Variants in FRMD5 observed in about 807,000 individuals in gnomAD.
The protein encoded by FRMD5 is FERM domain-containing protein 5.
Under a neutral mutation model 69.0 loss-of-function variants are expected in FRMD5, and 20 were observed. That is an observed-to-expected ratio of 0.29 (90% CI 0.20 to 0.42). FRMD5 has a LOEUF of 0.42. Ranked by LOEUF, FRMD5 falls within the 10% of genes least tolerant of loss-of-function variation. The pLI is 1.00. For missense variants in FRMD5, 595 were observed against 708.6 expected, an observed-to-expected ratio of 0.84 and a Z score of 1.82; for synonymous variants, 271 against 260.1, an observed-to-expected ratio of 1.04 and a Z score of -0.40.
At chr15:43,893,957 A>C (rs1035410990) in intron 7 of FRMD5, among the ~76,000 whole-genome samples, 2 of 152,216 alleles carry the variant, frequency 1.3e-5, no homozygotes, top group Non-Finnish European at 2.9e-5. Flanking sequence ...ATTTGCAATT[A>C]ATGTATTGTT....
chr15:43,919,462 G>C lies in FRMD5; in HGVS notation c.326C>G (p.Thr109Ser), dbSNP rs755105643. Residue 109 changes from threonine (T) to serine (S), a missense_variant, in exon 4 of 14, where the codon ACC (threonine) becomes AGC (serine). Physicochemically the swap from Thr to Ser is moderately conservative, Grantham distance 58. Transcript: ENST00000417257. ...GCGGGAAGCATGTTCACCTCACCTG[G>C]TTATTTCTTCTTTCAGAGCAGCAGG... is the stretch of plus-strand genomic sequence containing the variant. Reference protein sequence around the residue: ...ADPAALKEEITRYLVFLQIKR... With the variant: ...ADPAALKEEISRYLVFLQIKR... 17 of 1,613,818 alleles carry C rather than the reference G, an allele frequency of 1.1e-5. No individual in the cohort carries two copies. The highest frequency in any genetic ancestry group is 1.4e-5 in the Non-Finnish European group (17 of 1,179,796).
chr15:44,192,402 T>C (rs1343571377), intron 1 of FRMD5, among the ~76,000 whole-genome samples: 2 of 152,334 alleles, frequency 1.3e-5, no homozygotes, highest in East Asian at 3.9e-4. Flanking sequence ...ATAGATACTT[T>C]ATTTAAACAA....
At chr15:44,099,312 T>A (rs897118135) in intron 1 of FRMD5, among the ~76,000 whole-genome samples, 2 of 152,028 alleles carry the variant, frequency 1.3e-5, no homozygotes, top group Non-Finnish European at 2.9e-5. Flanking sequence ...AGGTCTAGAG[T>A]GGGGCCTGAG....
At chr15:44,149,107 G>A (rs915435826) in intron 1 of FRMD5, among the ~76,000 whole-genome samples, 1 of 152,092 alleles carries the variant, frequency 6.6e-6, no homozygotes, top group South Asian at 2.1e-4. Context: ...GTATAAGGAT[G>A]TAATTTTGTT....
intron 1 of FRMD5, among the ~76,000 whole-genome samples, chr15:43,951,704 C>T (rs911635849): frequency 2.2e-4 from 34 of 152,258 alleles, no homozygotes; most frequent in Middle Eastern, 3.4e-3. Flanking sequence ...GAGCCTTAAA[C>T]TGCTGTATTA....
chr15:43,873,490 A>G lies in FRMD5; in HGVS notation c.*395T>C, dbSNP rs2088220550. 11 of 1,420,980 alleles carry G rather than the reference A, an allele frequency of 7.7e-6. No homozygotes were observed. In the South Asian group the frequency reaches 1.7e-4, roughly 22 times the overall value. 88.0% of individuals were successfully genotyped at this position (1,420,980 alleles called of 1,614,324 possible). A position where few individuals can be genotyped will look rare whatever the true frequency, so the allele number is the denominator to read the frequency against. On this transcript the variant is annotated 3_prime_UTR_variant, in exon 14 of 14. Coordinates refer to ENST00000417257, the MANE Select transcript of FRMD5 (RefSeq NM_032892.5). ...GAGGACAGCAGCTCTCTAGTTTTCA[A>G]CTAGTGTCCCCTCTGCTAGGTGATA... is the stretch of plus-strand genomic sequence containing the variant.
At chr15:44,020,048 A>G (rs1045942301) in intron 1 of FRMD5, among the ~76,000 whole-genome samples, 3 of 152,160 alleles carry the variant, frequency 2.0e-5, no homozygotes, top group Admixed American at 6.5e-5. Flanking sequence ...AATTATCTAT[A>G]TACGAATCCT....
intron 7 of FRMD5, among the ~76,000 whole-genome samples, chr15:43,900,453 G>A (rs893084924): frequency 1.3e-5 from 2 of 152,188 alleles, no homozygotes; most frequent in Non-Finnish European, 2.9e-5. Flanking sequence ...GCAGCAGGCT[G>A]TGCTAGTGGA....
intron 1 of FRMD5, 77 bp downstream of exon 1, chr15:44,194,876 G>T: frequency 7.8e-7 from 1 of 1,282,602 alleles, no homozygotes; most frequent in Non-Finnish European, 1.1e-6. Flanking sequence ...CCTGGGCGGC[G>T]GCCGCCGCCG....
At chr15:44,162,760 G>T (rs919820074) in intron 1 of FRMD5, among the ~76,000 whole-genome samples, 2 of 151,530 alleles carry the variant, frequency 1.3e-5, no homozygotes, top group African/African-American at 4.9e-5. Context: ...CCAGCTACTT[G>T]GGAAGCTGAG....
At chr15:44,068,722 G>T (rs1365746623) in intron 1 of FRMD5, among the ~76,000 whole-genome samples, 1 of 152,162 alleles carries the variant, frequency 6.6e-6, no homozygotes, top group East Asian at 1.9e-4. Flanking sequence ...CCACTGATTT[G>T]TATACTTTAA....
At chr15:43,954,796 T>A (rs2090088920) in intron 1 of FRMD5, among the ~76,000 whole-genome samples, 1 of 152,204 alleles carries the variant, frequency 6.6e-6, no homozygotes, top group Non-Finnish European at 1.5e-5. Flanking sequence ...AGATGAAATC[T>A]ACCTTACATG....
intron 1 of FRMD5, among the ~76,000 whole-genome samples, chr15:43,962,940 A>T (rs2090228752): frequency 6.6e-6 from 1 of 152,224 alleles, no homozygotes; most frequent in African/African-American, 2.4e-5. Context: ...TTAGACCTAA[A>T]ACCATAAAAA....
At chr15:43,921,812 C>G (rs992577448) in intron 2 of FRMD5, among the ~76,000 whole-genome samples, 21 of 152,154 alleles carry the variant, frequency 1.4e-4, no homozygotes, top group African/African-American at 4.8e-4. Context: ...GCCCTGGGCC[C>G]GAGTCAGGCA....
At chr15:44,094,313 C>A (rs983469599) in intron 1 of FRMD5, among the ~76,000 whole-genome samples, 1 of 152,182 alleles carries the variant, frequency 6.6e-6, no homozygotes, top group Non-Finnish European at 1.5e-5. Flanking sequence ...TAGGTCCGGG[C>A]TGGCTTTCCA....
At chr15:43,885,385 A>G (rs2088638034) in intron 11 of FRMD5, among the ~76,000 whole-genome samples, 1 of 152,184 alleles carries the variant, frequency 6.6e-6, no homozygotes, top group South Asian at 2.1e-4. Flanking sequence ...CATGTTGCCC[A>G]GGCTGATTTC....
intron 1 of FRMD5, among the ~76,000 whole-genome samples, chr15:44,152,079 G>A (rs982436208): frequency 1.6e-4 from 24 of 152,070 alleles, no homozygotes; most frequent in African/African-American, 5.1e-4. Flanking sequence ...GTGTCCTGGC[G>A]CATGCCTGTA....
intron 13 of FRMD5, among the ~76,000 whole-genome samples, chr15:43,878,415 G>C (rs2088424933): frequency 6.6e-6 from 1 of 152,184 alleles, no homozygotes; most frequent in South Asian, 2.1e-4. Context: ...ATCTACCTTA[G>C]ATTTAGGTCT....
intron 1 of FRMD5, among the ~76,000 whole-genome samples, chr15:44,062,322 C>A (rs1465075587): frequency 6.6e-6 from 1 of 151,986 alleles, no homozygotes; most frequent in African/African-American, 2.4e-5. Context: ...CCATGGGGAC[C>A]ACAGAGATGT....
Sources: allele counts gnomAD v4.1 joint callset (sites outside exome capture counted in the v4.1 genomes callset), GRCh38; gene constraint gnomAD v4.1.1; transcripts MANE v1.5; gene names NCBI Gene and HGNC (gene_info 2026-07-23, HGNC 2026-07-21).